Variants in C12orf42 observed in about 807,000 individuals in gnomAD.
The protein encoded by C12orf42 is uncharacterized protein C12orf42.
Under a neutral mutation model 21.6 loss-of-function variants are expected in C12orf42, and 25 were observed. The ratio of observed to expected loss-of-function variants is 1.16; its 90% CI spans 0.84 to 1.62. The LOEUF (loss-of-function observed/expected upper bound fraction) is 1.62, where lower values mean the gene tolerates loss of function less well. Among genes scored for constraint, C12orf42 ranks in the 40% most tolerant of loss-of-function variants. The pLI is 0.00. For missense variants in C12orf42, 483 were observed against 459.3 expected, an observed-to-expected ratio of 1.05 and a Z score of -0.47; for synonymous variants, 174 against 175.0, an observed-to-expected ratio of 0.99 and a Z score of 0.05.
At chr12:103,217,803 T>C in the C12orf42 span, among the ~76,000 whole-genome samples, 1 of 152,140 alleles carries the variant, frequency 6.6e-6, no homozygotes, top group Non-Finnish European at 1.5e-5. Context: ...TCCTTCCTTG[T>C]AGAGCCCCCC....
At chr12:103,277,207 C>A (rs1220216924) in exon 5 of C12orf42, 2 of 449,200 alleles carry the variant, frequency 4.5e-6, no homozygotes, top group South Asian at 3.2e-5. Flanking sequence ...TCCATGGTGA[C>A]TTCCTTTCAA....
chr12:103,266,734 C>A (rs1314751225), downstream of C12orf42, among the ~76,000 whole-genome samples: 1 of 151,912 alleles, frequency 6.6e-6, no homozygotes, highest in Non-Finnish European at 1.5e-5. Flanking sequence ...TGTTCTACAT[C>A]TTTTTTAAAA....
At chr12:103,069,712 A>G in the C12orf42 span, among the ~76,000 whole-genome samples, 2 of 152,190 alleles carry the variant, frequency 1.3e-5, no homozygotes, top group Non-Finnish European at 2.9e-5. Context: ...TAACTAGACC[A>G]ACTAGCTAGG....
chr12:103,545,694 G>A, the C12orf42 span, among the ~76,000 whole-genome samples: 5 of 152,236 alleles, frequency 3.3e-5, no homozygotes, highest in South Asian at 4.1e-4. Context: ...ATCCTCCACC[G>A]GTCCCTTAAA....
At chr12:103,279,233 C>A (rs1485294851) in intron 4 of C12orf42, among the ~76,000 whole-genome samples, 1 of 151,762 alleles carries the variant, frequency 6.6e-6, no homozygotes. Flanking sequence ...TCTTACTGCC[C>A]CCCACCACCA....
At chr12:103,521,573 C>T in the C12orf42 span, among the ~76,000 whole-genome samples, 1 of 152,152 alleles carries the variant, frequency 6.6e-6, no homozygotes, top group Non-Finnish European at 1.5e-5. Flanking sequence ...ATAGCTAATG[C>T]ATGTGGGGCT....
At chr12:103,524,902 A>T in the C12orf42 span, among the ~76,000 whole-genome samples, 1 of 135,204 alleles carries the variant, frequency 7.4e-6, no homozygotes, top group South Asian at 2.4e-4. Context: ...GACTCCAAGC[A>T]ATGTTGTCAC....
At chr12:103,191,743 T>A in the C12orf42 span, among the ~76,000 whole-genome samples, 1 of 122,080 alleles carries the variant, frequency 8.2e-6, no homozygotes, top group African/African-American at 3.1e-5. Context: ...ACTCTGTGTC[T>A]AAAAAAAAAA....
intron 10 of C12orf42, among the ~76,000 whole-genome samples, chr12:103,252,158 G>A (rs537446558): frequency 3.3e-5 from 5 of 152,112 alleles, no homozygotes; most frequent in Non-Finnish European, 5.9e-5. Flanking sequence ...ATTCCATGGT[G>A]TATATGTGCC....
intron 4 of C12orf42, among the ~76,000 whole-genome samples, chr12:103,323,792 A>G (rs890876576): frequency 1.3e-5 from 2 of 152,226 alleles, no homozygotes; most frequent in Non-Finnish European, 2.9e-5. Context: ...GCTAGTATCC[A>G]AAGAACTGAG....
chr12:103,069,026 C>G, the C12orf42 span, among the ~76,000 whole-genome samples: 1 of 129,938 alleles, frequency 7.7e-6, no homozygotes, highest in East Asian at 2.2e-4. Context: ...AGAACCCTGA[C>G]TAATACATGC....
At chr12:103,299,425 C>G (rs940292734), downstream of C12orf42, among the ~76,000 whole-genome samples, 15 of 151,996 alleles carry the variant, frequency 9.9e-5, no homozygotes, top group African/African-American at 3.6e-4. Context: ...ATCCTAAATA[C>G]TTAGTTTCTT....
rs530808662 is a variant in C12orf42 at position 103,401,633 on chromosome 12, A to G, written c.121T>C (p.Trp41Arg). ...TTTGCACTGGGTGTGCTTCTATCCCACAGGGTGGCACTGCTCACAATGGGA... is the reference window on the plus strand; with the variant it reads ...TTTGCACTGGGTGTGCTTCTATCCCGCAGGGTGGCACTGCTCACAATGGGA... The part of the protein sequence containing the change: ...YIPIVSSATL[W>R]DRSTPSAKHI... The change falls in exon 3 of 6, where the codon TGG becomes CGG. Residue 41 changes from tryptophan (W) to arginine (R), a missense_variant. Transcript: ENST00000548883. 1 of 1,613,968 alleles carries G rather than the reference A, an allele frequency of 6.2e-7. No individual in the cohort carries two copies. The highest frequency in any genetic ancestry group is 1.7e-5 in the Admixed American group (1 of 60,018).
At chr12:103,451,194 T>C (rs949937571) in intron 2 of C12orf42, among the ~76,000 whole-genome samples, 4 of 151,990 alleles carry the variant, frequency 2.6e-5, no homozygotes, top group African/African-American at 7.3e-5. Context: ...CAATATTTTC[T>C]ATTTTCTTTT....
chr12:103,338,796 G>C (rs1380563508), intron 4 of C12orf42, among the ~76,000 whole-genome samples: 1 of 152,112 alleles, frequency 6.6e-6, no homozygotes, highest in East Asian at 1.9e-4. Context: ...TTGCAGAAAG[G>C]GGTGGGATGT....
intron 4 of C12orf42, among the ~76,000 whole-genome samples, chr12:103,294,467 A>C (rs932301227): frequency 5.3e-5 from 7 of 133,256 alleles, no homozygotes; most frequent in African/African-American, 2.2e-4. Context: ...AGAAAGAAAG[A>C]AAGAAATAAG....
chr12:103,278,339 A>T lies in C12orf42; in HGVS notation n.338-1129T>A, dbSNP rs190299868. On this transcript the variant is annotated intron_variant and non_coding_transcript_variant, in intron 4 of 6. Coordinates refer to the C12orf42 transcript ENST00000546526. ...CCTCCACTGAACCAAAATACACTTT[A>T]AAAATCATCTCTGTTTTTTCTCCAC... 3.8e-3 allele frequency among the ~76,000 whole-genome samples: 579 copies of T among 152,348 alleles called. 2 individuals are homozygous for T. Among genetic ancestry groups the T allele is most frequent in the Middle Eastern group, 0.01 (3 of 294 alleles).
intron 4 of C12orf42, among the ~76,000 whole-genome samples, chr12:103,347,503 C>T (rs1296558938): frequency 6.6e-6 from 1 of 152,040 alleles, no homozygotes; most frequent in Non-Finnish European, 1.5e-5. Context: ...TGAATAATTA[C>T]CACTTTTATA....
chr12:103,097,621 T>C, the C12orf42 span, among the ~76,000 whole-genome samples: 1 of 152,234 alleles, frequency 6.6e-6, no homozygotes. Context: ...ATTTTCTCTC[T>C]CATTTTGATG....
Sources: allele counts gnomAD v4.1 joint callset (sites outside exome capture counted in the v4.1 genomes callset), GRCh38; gene constraint gnomAD v4.1.1; transcripts MANE v1.5; gene names NCBI Gene and HGNC (gene_info 2026-07-23, HGNC 2026-07-21).